TMEM132D: variants seen among roughly 807,000 people sequenced by gnomAD.
The protein encoded by TMEM132D is transmembrane protein 132D.
In TMEM132D, 21 loss-of-function variants were observed where a neutral mutation model predicts 62.3. The observed-to-expected ratio is 0.34, with a 90% CI of 0.24 to 0.49. The LOEUF (loss-of-function observed/expected upper bound fraction) is 0.49. Ranked by LOEUF, TMEM132D falls within the 20% of genes least tolerant of loss-of-function variation. The pLI is 0.99. For missense variants in TMEM132D, 1,346 were observed against 1,402.8 expected, an observed-to-expected ratio of 0.96 and a Z score of 0.65; for synonymous variants, 621 against 575.6, an observed-to-expected ratio of 1.08 and a Z score of -1.13.
At chr12:129,668,356 C>T (rs1000578326) in intron 2 of TMEM132D, among the ~76,000 whole-genome samples, 3 of 151,098 alleles carry the variant, frequency 2.0e-5, no homozygotes, top group East Asian at 4.0e-4. Flanking sequence ...ACCAAAATTC[C>T]TAGTCAATTG....
intron 1 of TMEM132D, among the ~76,000 whole-genome samples, chr12:129,796,338 A>T (rs905889491): frequency 1.6e-4 from 25 of 152,254 alleles, no homozygotes; most frequent in African/African-American, 5.1e-4. Flanking sequence ...TTTATTTTTT[A>T]AAAAAGTTAA....
chr12:129,480,028 T>C (rs1874381256), intron 3 of TMEM132D, among the ~76,000 whole-genome samples: 1 of 105,406 alleles, frequency 9.5e-6, no homozygotes, highest in Admixed American at 1.0e-4. Context: ...TCCTAGAGAT[T>C]TGAAGAAAGT....
At chr12:129,676,512 G>A (rs1406763201) in intron 2 of TMEM132D, among the ~76,000 whole-genome samples, 2 of 152,188 alleles carry the variant, frequency 1.3e-5, no homozygotes, top group Admixed American at 6.5e-5. Context: ...CATCGGCTTG[G>A]CTTCAAAGCT....
intron 5 of TMEM132D, among the ~76,000 whole-genome samples, chr12:129,184,935 C>CAGAGCTG (rs1267863551): frequency 6.6e-6 from 1 of 152,124 alleles, no homozygotes. Flanking sequence ...CCAGCTGCCC[C>CAGAGCTG]AGAGCTGAGT....
At chr12:129,580,299 C>T (rs948271734) in intron 2 of TMEM132D, among the ~76,000 whole-genome samples, 2 of 152,216 alleles carry the variant, frequency 1.3e-5, no homozygotes, top group African/African-American at 2.4e-5. Flanking sequence ...TGCACCCATC[C>T]AGCTGAAGCC....
At chr12:129,348,603 A>C (rs940477259) in intron 3 of TMEM132D, among the ~76,000 whole-genome samples, 7 of 152,092 alleles carry the variant, frequency 4.6e-5, no homozygotes, top group Non-Finnish European at 8.8e-5. Context: ...TACCTAATAC[A>C]TGCTGGGCTT....
intron 1 of TMEM132D, among the ~76,000 whole-genome samples, chr12:129,719,663 G>A (rs1342753450): frequency 6.6e-6 from 1 of 152,200 alleles, no homozygotes; most frequent in East Asian, 1.9e-4. Flanking sequence ...GAGACACTTT[G>A]AAAATGAGTC....
chr12:129,718,173 A>T (rs1367556248), intron 1 of TMEM132D, among the ~76,000 whole-genome samples: 2 of 152,212 alleles, frequency 1.3e-5, no homozygotes, highest in Non-Finnish European at 2.9e-5. Flanking sequence ...GGGGCTGATG[A>T]TCATTAGCCC....
At chr12:129,354,036 C>T (rs1869955915) in intron 3 of TMEM132D, among the ~76,000 whole-genome samples, 1 of 152,044 alleles carries the variant, frequency 6.6e-6, no homozygotes, top group Admixed American at 6.6e-5. Context: ...AAGGGATGCA[C>T]TTAAATAGAT....
intron 3 of TMEM132D, among the ~76,000 whole-genome samples, chr12:129,368,526 C>A (rs149589092): frequency 2.8e-4 from 42 of 152,302 alleles, no homozygotes; most frequent in African/African-American, 9.1e-4. Flanking sequence ...CCCTCTCTCC[C>A]TCCCTGCCTT....
intron 3 of TMEM132D, among the ~76,000 whole-genome samples, chr12:129,474,929 G>C (rs897631104): frequency 2.0e-5 from 3 of 152,150 alleles, no homozygotes; most frequent in Non-Finnish European, 4.4e-5. Context: ...CTTTGGCCAG[G>C]CTGCATGCCA....
At chr12:129,525,303 T>C (rs1301268163) in intron 3 of TMEM132D, among the ~76,000 whole-genome samples, 3 of 136,000 alleles carry the variant, frequency 2.2e-5, no homozygotes, top group East Asian at 2.6e-4. Flanking sequence ...GAAAACAACA[T>C]CTTGGTCTGT....
chr12:129,312,879 G>A (rs1284306420), intron 4 of TMEM132D, among the ~76,000 whole-genome samples: 1 of 152,212 alleles, frequency 6.6e-6, no homozygotes, highest in African/African-American at 2.4e-5. Flanking sequence ...TTAGACCAGG[G>A]TATTTGCATG....
At chr12:129,541,667 G>A (rs963975051) in intron 2 of TMEM132D, among the ~76,000 whole-genome samples, 4 of 152,100 alleles carry the variant, frequency 2.6e-5, no homozygotes, top group South Asian at 2.1e-4. Context: ...GGGATGTGGC[G>A]GCCTCATTCT....
chr12:129,889,019 G>C (rs967040734), intron 1 of TMEM132D, among the ~76,000 whole-genome samples: 1 of 152,208 alleles, frequency 6.6e-6, no homozygotes, highest in African/African-American at 2.4e-5. Context: ...ATGGAACTAA[G>C]AGAAACGTTC....
intron 3 of TMEM132D, among the ~76,000 whole-genome samples, chr12:129,449,559 C>T (rs540088069): frequency 1.5e-4 from 23 of 152,282 alleles, no homozygotes; most frequent in South Asian, 6.2e-4. Flanking sequence ...TATGGGTACA[C>T]GGAGTCTCTG....
chr12:129,418,597 A>C (rs1271258526), intron 3 of TMEM132D, among the ~76,000 whole-genome samples: 1 of 152,090 alleles, frequency 6.6e-6, no homozygotes, highest in Non-Finnish European at 1.5e-5. Context: ...CATTAGGAGA[A>C]ATACCTAATG....
intron 2 of TMEM132D, among the ~76,000 whole-genome samples, chr12:129,575,306 A>C (rs958710050): frequency 2.6e-5 from 4 of 151,824 alleles, no homozygotes; most frequent in Non-Finnish European, 5.9e-5. Flanking sequence ...GGAGGAGTCA[A>C]AAGTCATTCC....
chr12:129,754,405 C>T (rs902017743), intron 1 of TMEM132D, among the ~76,000 whole-genome samples: 28 of 152,168 alleles, frequency 1.8e-4, no homozygotes, highest in Admixed American at 1.7e-3. Context: ...AAGGCAACAA[C>T]ACTCAGAATC....
Sources: allele counts gnomAD v4.1 joint callset (sites outside exome capture counted in the v4.1 genomes callset), GRCh38; gene constraint gnomAD v4.1.1; transcripts MANE v1.5; gene names NCBI Gene and HGNC (gene_info 2026-07-23, HGNC 2026-07-21).